The following PALM2AKAP2 variants were observed in gnomAD, a reference collection of about 807,000 sequenced individuals.
The protein encoded by PALM2AKAP2 is PALM2 and AKAP2 fusion, also known as PALM2-AKAP2 fusion protein.
Under a neutral mutation model 71.5 loss-of-function variants are expected in PALM2AKAP2, and 37 were observed. The ratio of observed to expected loss-of-function variants is 0.52; its 90% CI spans 0.40 to 0.68. The LOEUF is 0.68. Among genes scored for constraint, PALM2AKAP2 ranks in the 30% least tolerant of loss-of-function variants. The pLI is 0.00. For missense variants in PALM2AKAP2, 1,224 were observed against 1,191.8 expected, an observed-to-expected ratio of 1.03 and a Z score of -0.40; for synonymous variants, 468 against 478.8, an observed-to-expected ratio of 0.98 and a Z score of 0.29.
chr9:109,691,173 T>TTACACACACA (rs1398591209), intron 1 of PALM2AKAP2, among the ~76,000 whole-genome samples: 1 of 60,164 alleles, frequency 1.7e-5, no homozygotes, highest in Non-Finnish European at 3.2e-5. Context: ...ACTTTGAATT[T>TTACACACACA]TACACACACA....
chr9:109,817,583 A>G (rs775232548), intron 1 of PALM2AKAP2, among the ~76,000 whole-genome samples: 97 of 152,252 alleles, frequency 6.4e-4, no homozygotes, highest in Non-Finnish European at 1.8e-4. Context: ...CTGATGAGCC[A>G]TACAGTGTCT....
Position 110,136,397 on chromosome 9 carries a change from C to T in PALM2AKAP2, c.427C>T (p.Arg143Cys), listed in dbSNP as rs772511912. The change falls in exon 2 of 4, where the codon CGC (arginine) becomes TGC (cysteine). Residue 143 changes from arginine (R) to cysteine (C), a missense_variant. By Grantham distance (180) the Arg-to-Cys change is radical. Coordinates refer to ENST00000374525, the Ensembl canonical transcript of PALM2AKAP2. ...GGATAATGATGTTGCCAGAGAGATC[C>T]GCTATCTAGATGAGGTGCTAGAGGC... The T allele has an allele frequency of 6.8e-6, 11 of 1,614,182 alleles. No homozygotes were observed. Among genetic ancestry groups the T allele is most frequent in the East Asian group, 6.7e-5 (3 of 44,892 alleles).
At chr9:110,097,487 G>C (rs1242158027) in intron 1 of PALM2AKAP2, among the ~76,000 whole-genome samples, 1 of 151,268 alleles carries the variant, frequency 6.6e-6, no homozygotes, top group East Asian at 1.9e-4. Flanking sequence ...CAGACGGGGT[G>C]GTGGCCGGGC....
At chr9:110,160,279 C>G (rs1836563999) in intron 3 of PALM2AKAP2, among the ~76,000 whole-genome samples, 1 of 152,212 alleles carries the variant, frequency 6.6e-6, no homozygotes, top group Non-Finnish European at 1.5e-5. Flanking sequence ...ACAACACACA[C>G]CCAGATGCAG....
chr9:110,048,385 A>G (rs947429072), upstream of PALM2AKAP2, among the ~76,000 whole-genome samples: 1 of 152,172 alleles, frequency 6.6e-6, no homozygotes, highest in South Asian at 2.1e-4. Flanking sequence ...CCGTGCGCTA[A>G]CAAGTATCCA....
In PALM2AKAP2 at chr9:110,156,393, G is replaced by A. The variant is rs577947706; in HGVS notation, c.2644G>A (p.Glu882Lys). ...CAGCTTGCAGCCTGACTTAGCCCCT[G>A]AAGAGGCTGCCGGAACCCAGCGGCC... is the stretch of plus-strand genomic sequence containing the variant. The change falls in exon 3 of 4, where the codon GAA becomes AAA. Residue 882 changes from glutamate (E) to lysine (K), a missense_variant. Coordinates refer to ENST00000374525, the Ensembl canonical transcript of PALM2AKAP2. 8.7e-6 allele frequency: 14 copies of A among 1,612,896 alleles called. No individual in the cohort carries two copies. The South Asian group carries it at 1.5e-4, about 18-fold the overall frequency.
intron 1 of PALM2AKAP2, among the ~76,000 whole-genome samples, chr9:109,811,501 ACATT>A (rs1166494981): frequency 6.6e-6 from 1 of 152,184 alleles, no homozygotes; most frequent in African/African-American, 2.4e-5. Context: ...AAAAAATAGT[ACATT>A]TTTATATGTT....
Position 109,854,674 on chromosome 9 carries a change from A to G in PALM2AKAP2, c.46-12817A>G, listed in dbSNP as rs372522745. Reference sequence around the variant, plus strand: ...GCTATCCTGTAGCATGATCATTTATATGCATGTGCGTACACATGCATTTAC... The same window carrying G: ...GCTATCCTGTAGCATGATCATTTATGTGCATGTGCGTACACATGCATTTAC... On this transcript the variant is annotated intron_variant, in intron 1 of 9. Coordinates refer to the PALM2AKAP2 transcript ENST00000302798. Among the ~76,000 whole-genome samples, 434 of 150,130 alleles carry G rather than the reference A, an allele frequency of 2.9e-3. 2 individuals are homozygous for G. Among genetic ancestry groups the G allele is most frequent in the African/African-American group, 0.01 (415 of 41,014 alleles).
chr9:110,131,155 C>T (rs893740768), intron 1 of PALM2AKAP2, among the ~76,000 whole-genome samples: 1 of 152,018 alleles, frequency 6.6e-6, no homozygotes, highest in Non-Finnish European at 1.5e-5. Context: ...TTAAATTGCC[C>T]CGATCAAGTA....
intron 3 of PALM2AKAP2, among the ~76,000 whole-genome samples, chr9:109,902,154 A>G (rs1564202346): frequency 6.6e-6 from 1 of 152,200 alleles, no homozygotes; most frequent in African/African-American, 2.4e-5. Context: ...CATCTCATTA[A>G]CTACATGGGA....
chr9:110,167,759 G>A (rs1234141610), intron 3 of PALM2AKAP2, among the ~76,000 whole-genome samples: 3 of 151,780 alleles, frequency 2.0e-5, no homozygotes, highest in Non-Finnish European at 4.4e-5. Flanking sequence ...ATATCATCAT[G>A]GCTTATATAG....
At chr9:109,731,445 G>C (rs1587886369) in intron 1 of PALM2AKAP2, among the ~76,000 whole-genome samples, 1 of 152,120 alleles carries the variant, frequency 6.6e-6, no homozygotes, top group African/African-American at 2.4e-5. Context: ...ACTAGTCATG[G>C]CTCCAATACC....
chr9:110,161,998 C>A, intron 3 of PALM2AKAP2, 96 bp from the exon 10 acceptor site: 1 of 1,501,386 alleles, frequency 6.7e-7, no homozygotes, highest in Non-Finnish European at 9.3e-7. Context: ...CTTCCCCTCC[C>A]ATCCTCTTCT....
At chr9:109,712,474 G>A (rs552678709) in intron 1 of PALM2AKAP2, among the ~76,000 whole-genome samples, 2 of 152,148 alleles carry the variant, frequency 1.3e-5, no homozygotes, top group Admixed American at 6.5e-5. Flanking sequence ...TTCCAATGAC[G>A]TGTTTTTTCC....
intron 1 of PALM2AKAP2, among the ~76,000 whole-genome samples, chr9:109,865,592 T>C (rs898239699): frequency 6.6e-6 from 1 of 152,164 alleles, no homozygotes; most frequent in Non-Finnish European, 1.5e-5. Flanking sequence ...GTGAGGACTT[T>C]CTGATGGAAC....
intron 7 of PALM2AKAP2, 128 bp downstream of exon 7, chr9:110,016,167 G>A (rs1296323323): frequency 3.4e-6 from 3 of 884,584 alleles, no homozygotes; most frequent in Non-Finnish European, 5.4e-6. Flanking sequence ...TCTACTCACT[G>A]AGGTCTTAGG....
intron 1 of PALM2AKAP2, among the ~76,000 whole-genome samples, chr9:110,072,367 C>T (rs1834224483): frequency 6.6e-6 from 1 of 152,166 alleles, no homozygotes; most frequent in African/African-American, 2.4e-5. Context: ...ATGGAGCAGT[C>T]CCTGATCTAT....
At chr9:109,673,912 A>G (rs1827612314) in intron 1 of PALM2AKAP2, among the ~76,000 whole-genome samples, 1 of 152,054 alleles carries the variant, frequency 6.6e-6, no homozygotes, top group Non-Finnish European at 1.5e-5. Flanking sequence ...AGGAACTAGG[A>G]TTGCAACCCC....
chr9:109,651,766 G>C (rs1480567374), intron 1 of PALM2AKAP2, among the ~76,000 whole-genome samples: 1 of 152,160 alleles, frequency 6.6e-6, no homozygotes, highest in Non-Finnish European at 1.5e-5. Flanking sequence ...CCCACTGAAA[G>C]ATGTCATTTT....
Sources: allele counts gnomAD v4.1 joint callset (sites outside exome capture counted in the v4.1 genomes callset), GRCh38; gene constraint gnomAD v4.1.1; transcripts MANE v1.5; gene names NCBI Gene and HGNC (gene_info 2026-07-23, HGNC 2026-07-21).